KIAA0319L: variants seen among roughly 807,000 people sequenced by gnomAD.
KIAA0319L encodes the protein dyslexia-associated protein KIAA0319-like protein.
KIAA0319L carries 55 observed loss-of-function variants against 120.1 expected under a neutral mutation model. The ratio of observed to expected loss-of-function variants is 0.46; its 90% CI spans 0.37 to 0.57. The LOEUF (loss-of-function observed/expected upper bound fraction) is 0.57. Ranked by LOEUF, KIAA0319L falls within the 20% of genes least tolerant of loss-of-function variation. The probability of loss-of-function intolerance (pLI) is 0.00; values close to 1 mark genes in which losing one functional copy is unlikely to be tolerated. For synonymous variants in KIAA0319L, 398 were observed against 471.9 expected (o/e 0.84, Z 2.03); for missense variants, 1,049 against 1,255.3 (o/e 0.84, Z 2.48).
chr1:35,525,436 T>C (rs970213377), intron 2 of KIAA0319L, among the ~76,000 whole-genome samples: 1 of 152,208 alleles, frequency 6.6e-6, no homozygotes, highest in South Asian at 2.1e-4. Context: ...CTGTTTTACA[T>C]AATGGCTGTA....
intron 6 of KIAA0319L, 50 bp from the exon 7 acceptor site, chr1:35,466,745 A>C (rs1443949550): frequency 8.0e-7 from 1 of 1,248,142 alleles, no homozygotes; most frequent in Non-Finnish European, 1.2e-6. Context: ...AGCAGGAATT[A>C]CATTTAAAAT....
chr1:35,552,385 T>C (rs1053145249), intron 2 of KIAA0319L, among the ~76,000 whole-genome samples: 1 of 151,896 alleles, frequency 6.6e-6, no homozygotes, highest in African/African-American at 2.4e-5. Context: ...TCCCCTATGG[T>C]TGGAAGGCAG....
At chr1:35,517,064 A>T (rs1645710548) in intron 2 of KIAA0319L, among the ~76,000 whole-genome samples, 1 of 152,238 alleles carries the variant, frequency 6.6e-6, no homozygotes, top group Admixed American at 6.5e-5. Context: ...CAGAGAAGAC[A>T]CAAATAAATG....
intron 3 of KIAA0319L, among the ~76,000 whole-genome samples, chr1:35,503,482 AT>A (rs1645084170): frequency 6.6e-6 from 1 of 152,214 alleles, no homozygotes; most frequent in Admixed American, 6.5e-5. Flanking sequence ...GGGCCCGGCA[AT>A]CTTTTTTATT....
intron 7 of KIAA0319L, among the ~76,000 whole-genome samples, chr1:35,463,125 C>T (rs1027345187): frequency 2.6e-5 from 4 of 152,210 alleles, no homozygotes; most frequent in East Asian, 1.9e-4. Context: ...TAACAGGCCA[C>T]GGACAGATAG....
At chr1:35,510,076 C>T (rs1315838346) in intron 2 of KIAA0319L, 1 of 152,202 alleles carries the variant, frequency 6.6e-6, no homozygotes, top group Non-Finnish European at 1.5e-5. Context: ...AGATGCGGTG[C>T]TATAAATGAA....
At chr1:35,478,832 G>A in intron 4 of KIAA0319L, 134 bp downstream of exon 4, 1 of 1,059,364 alleles carries the variant, frequency 9.4e-7, no homozygotes. Flanking sequence ...TGACTGCAGG[G>A]GCAATGACAG....
rs773278050 is a variant in KIAA0319L, at chr1:35,449,915, C to T, written c.2305G>A (p.Ala769Thr). 6.2e-7 allele frequency: 1 copy of T among 1,614,082 alleles called. No homozygotes were observed. The highest frequency in any genetic ancestry group is 1.1e-5 in the South Asian group (1 of 91,074). Reference protein sequence around the residue: ...TYTFHLKVTDAKGESDTDRTT... With the variant: ...TYTFHLKVTDTKGESDTDRTT... ...CGGTCTGTGTCACTCTCACCCTTTG[C>T]ATCGGTCACTTTCAGGTGAAAAGTG... is the stretch of plus-strand genomic sequence containing the variant. The change falls in exon 15 of 21, where the codon GCA (alanine) becomes ACA (threonine). Residue 769 changes from alanine to threonine, a missense_variant. Ala to Thr is a moderately conservative substitution (Grantham distance 58, BLOSUM62 0). Transcript: ENST00000325722.
intron 10 of KIAA0319L, 164 bp from the exon 11 acceptor site, chr1:35,454,649 C>CGGAAGTATCCTTCATCTCTAGCT: frequency 7.1e-7 from 1 of 1,408,412 alleles, no homozygotes. Flanking sequence ...AGTCAGATAT[C>CGGAAGTATCCTTCATCTCTAGCT]ATGAGGCACC....
intron 8 of KIAA0319L, among the ~76,000 whole-genome samples, chr1:35,461,086 C>A (rs555233477): frequency 6.6e-6 from 1 of 152,022 alleles, no homozygotes. Context: ...AGTAAGAACT[C>A]GTACAATGAA....
intron 2 of KIAA0319L, among the ~76,000 whole-genome samples, chr1:35,532,073 C>T (rs1646389510): frequency 6.6e-6 from 1 of 151,878 alleles, no homozygotes; most frequent in Non-Finnish European, 1.5e-5. Context: ...CCAGCCTGGC[C>T]AACATGGTGA....
intron 10 of KIAA0319L, among the ~76,000 whole-genome samples, chr1:35,455,100 A>G (rs1642347009): frequency 6.6e-6 from 1 of 152,276 alleles, no homozygotes; most frequent in African/African-American, 2.4e-5. Flanking sequence ...CTTCCAATGC[A>G]GGAACTTCCT....
chr1:35,478,099 CA>C (rs1363938132), intron 4 of KIAA0319L, among the ~76,000 whole-genome samples: 1 of 152,152 alleles, frequency 6.6e-6, no homozygotes, highest in East Asian at 1.9e-4. Flanking sequence ...TCATTTCCAA[CA>C]ACATGGATGG....
At chr1:35,450,045 T>C in intron 14 of KIAA0319L, 40 bp from the exon 15 acceptor site, 2 of 1,610,950 alleles carry the variant, frequency 1.2e-6, no homozygotes, top group Non-Finnish European at 1.7e-6. Context: ...CAGAACAAAA[T>C]GCCATTCCTT....
At chr1:35,485,483 C>G (rs185081395) in intron 3 of KIAA0319L, among the ~76,000 whole-genome samples, 93 of 152,306 alleles carry the variant, frequency 6.1e-4, no homozygotes, top group Non-Finnish European at 1.2e-3. Flanking sequence ...TTCTCAAGTC[C>G]CCTTTAATTT....
At chr1:35,494,011 A>G (rs556184313) in intron 3 of KIAA0319L, among the ~76,000 whole-genome samples, 1 of 152,320 alleles carries the variant, frequency 6.6e-6, no homozygotes, top group African/African-American at 2.4e-5. Context: ...ATTGATCTAC[A>G]CTCCCAATAC....
At chr1:35,550,992 T>G (rs1055520528) in intron 2 of KIAA0319L, among the ~76,000 whole-genome samples, 5 of 152,254 alleles carry the variant, frequency 3.3e-5, no homozygotes, top group Non-Finnish European at 7.3e-5. Flanking sequence ...AAATGACTGT[T>G]GATCAGTGCT....
chr1:35,475,161 T>C (rs891075542), intron 4 of KIAA0319L, among the ~76,000 whole-genome samples: 2 of 152,218 alleles, frequency 1.3e-5, no homozygotes, highest in African/African-American at 2.4e-5. Context: ...CACATCTCAG[T>C]GGCTTCTACT....
intron 1 of KIAA0319L, chr1:35,556,530 T>G (rs906860084): frequency 3.3e-5 from 5 of 152,238 alleles, no homozygotes; most frequent in African/African-American, 1.2e-4. Flanking sequence ...ATGAACAGAT[T>G]GTTCTGGGAG....
Sources: allele counts gnomAD v4.1 joint callset (sites outside exome capture counted in the v4.1 genomes callset), GRCh38; gene constraint gnomAD v4.1.1; transcripts MANE v1.5; gene names NCBI Gene and HGNC (gene_info 2026-07-23, HGNC 2026-07-21).